Variants in LMX1A observed in about 807,000 individuals in gnomAD.
LMX1A encodes LIM homeobox transcription factor 1 alpha, also known as LIM homeobox transcription factor 1-alpha.
Under a neutral mutation model 49.1 loss-of-function variants are expected in LMX1A, and 15 were observed. The observed-to-expected ratio is 0.31, with a 90% CI of 0.20 to 0.47. The LOEUF (loss-of-function observed/expected upper bound fraction) is 0.47, where lower values mean the gene tolerates loss of function less well. Ranked by LOEUF, LMX1A falls within the 20% of genes least tolerant of loss-of-function variation. LMX1A has a pLI of 1.00. For synonymous variants in LMX1A, 167 were observed against 185.7 expected (o/e 0.90, Z 0.82); for missense variants, 372 against 475.8 (o/e 0.78, Z 2.03).
At chr1:165,340,465 C>T (rs1236124870) in intron 3 of LMX1A, among the ~76,000 whole-genome samples, 4 of 152,158 alleles carry the variant, frequency 2.6e-5, no homozygotes, top group Non-Finnish European at 5.9e-5. Context: ...GCCCTGCCTT[C>T]CAGAACTCCA....
At chr1:165,344,450 A>G (rs546032323) in intron 3 of LMX1A, among the ~76,000 whole-genome samples, 5 of 152,364 alleles carry the variant, frequency 3.3e-5, no homozygotes, top group African/African-American at 1.2e-4. Context: ...GATTTGTTCC[A>G]CTGTCAAAAC....
At chr1:165,294,534 A>G (rs1654561886) in intron 3 of LMX1A, among the ~76,000 whole-genome samples, 1 of 152,238 alleles carries the variant, frequency 6.6e-6, no homozygotes, top group Admixed American at 6.5e-5. Context: ...TCAAAAACAT[A>G]CAGATCATTT....
intron 6 of LMX1A, among the ~76,000 whole-genome samples, chr1:165,208,365 G>T (rs1651189169): frequency 6.6e-6 from 1 of 152,206 alleles, no homozygotes; most frequent in Non-Finnish European, 1.5e-5. Context: ...CAGGGGTGCA[G>T]CTTGTCTTAG....
intron 4 of LMX1A, among the ~76,000 whole-genome samples, chr1:165,216,411 G>T (rs1175732171): frequency 1.3e-5 from 2 of 152,094 alleles, no homozygotes; most frequent in African/African-American, 4.8e-5. Flanking sequence ...GAACTCCCTG[G>T]GGTAAAAACA....
intron 4 of LMX1A, among the ~76,000 whole-genome samples, chr1:165,231,284 T>C (rs1462804933): frequency 6.9e-6 from 1 of 144,348 alleles, no homozygotes; most frequent in Non-Finnish European, 1.5e-5. Context: ...TCTTAGAAAC[T>C]GGCTTAGTTT....
rs959055549 is a variant in LMX1A at position 165,203,044 on chromosome 1, C to T, written c.*836G>A. ...AACCAATCATCCTAGCACTGCCCAA[C>T]AACCACTTGTCAGAATTTAAAAGAA... On this transcript the variant is annotated 3_prime_UTR_variant, in exon 9 of 9. Transcript: ENST00000342310. The T allele has an allele frequency of 2.0e-5, 3 of 152,682 alleles. No homozygotes were observed. Among genetic ancestry groups the T allele is most frequent in the Admixed American group, 2.0e-4 (3 of 15,290 alleles). The allele number at this position is 152,682 out of a possible 1,614,324, so 9.5% of individuals were successfully genotyped here. A position where few individuals can be genotyped will look rare whatever the true frequency, so the allele number is the denominator to read the frequency against.
intron 4 of LMX1A, among the ~76,000 whole-genome samples, chr1:165,240,354 G>A (rs1155014): frequency 0.18 from 27,720 of 151,512 alleles, 2,803 homozygotes; most frequent in African/African-American, 0.26. Flanking sequence ...TTACCCTTCT[G>A]CTTCTTAAAA....
At chr1:165,238,709 G>A (rs1257129579) in intron 4 of LMX1A, among the ~76,000 whole-genome samples, 2 of 152,220 alleles carry the variant, frequency 1.3e-5, no homozygotes, top group Non-Finnish European at 2.9e-5. Flanking sequence ...AGTACCTGGA[G>A]CACTGCCATA....
chr1:165,329,602 C>T (rs1655684841), intron 3 of LMX1A, among the ~76,000 whole-genome samples: 1 of 151,710 alleles, frequency 6.6e-6, no homozygotes, highest in African/African-American at 2.4e-5. Context: ...CAGTAAGTGC[C>T]CACATGCAAC....
chr1:165,320,494 A>T (rs1655352839), intron 3 of LMX1A, among the ~76,000 whole-genome samples: 1 of 151,970 alleles, frequency 6.6e-6, no homozygotes, highest in Non-Finnish European at 1.5e-5. Context: ...GAGAGAAAAG[A>T]AGAGACTGTG....
rs566066686 is a variant in LMX1A, at chr1:165,326,204, G to C, written c.263+26872C>G. On this transcript the variant is annotated intron_variant, in intron 3 of 8. Coordinates refer to ENST00000342310, the MANE Select transcript of LMX1A (RefSeq NM_177398.4). ...GAGCTAGAGACGGGGAGGAGGGGAAGGGGGGTAGATGAGATAGGGGAGAAG... is the reference window on the plus strand; with the variant it reads ...GAGCTAGAGACGGGGAGGAGGGGAACGGGGGTAGATGAGATAGGGGAGAAG... Among the ~76,000 whole-genome samples, 22 of 152,336 alleles carry C rather than the reference G, an allele frequency of 1.4e-4. No individual in the cohort carries two copies. In the South Asian group the frequency reaches 3.9e-3, roughly 27 times the overall value.
chr1:165,343,130 T>C (rs1656127405), intron 3 of LMX1A, among the ~76,000 whole-genome samples: 1 of 152,218 alleles, frequency 6.6e-6, no homozygotes, highest in Non-Finnish European at 1.5e-5. Context: ...GCATTTTCTA[T>C]GAGCCAAGCA....
At chr1:165,297,152 C>G (rs570520822) in intron 3 of LMX1A, among the ~76,000 whole-genome samples, 2 of 152,358 alleles carry the variant, frequency 1.3e-5, no homozygotes, top group South Asian at 4.1e-4. Context: ...GTGAAACTCC[C>G]TGTCTCTACC....
chr1:165,242,592 AG>A (rs1652694137), intron 4 of LMX1A, among the ~76,000 whole-genome samples: 1 of 152,002 alleles, frequency 6.6e-6, no homozygotes. Flanking sequence ...TGAAGAAAAA[AG>A]GAAGGCAATT....
intron 4 of LMX1A, among the ~76,000 whole-genome samples, chr1:165,241,228 G>C (rs1652643795): frequency 6.6e-6 from 1 of 152,116 alleles, no homozygotes; most frequent in South Asian, 2.1e-4. Context: ...ACCATGAGGT[G>C]CCCCAGGTAT....
At chr1:165,283,067 A>G (rs1191446347) in intron 3 of LMX1A, among the ~76,000 whole-genome samples, 1 of 152,254 alleles carries the variant, frequency 6.6e-6, no homozygotes, top group African/African-American at 2.4e-5. Context: ...CCTCAACTAT[A>G]GTCATATGAT....
chr1:165,204,591 C>T (rs1650993474), intron 8 of LMX1A, among the ~76,000 whole-genome samples: 1 of 152,188 alleles, frequency 6.6e-6, no homozygotes. Flanking sequence ...GTAGGGCACA[C>T]ATTGGAACAG....
chr1:165,301,594 TA>T (rs1352910372), intron 3 of LMX1A, among the ~76,000 whole-genome samples: 5 of 152,210 alleles, frequency 3.3e-5, no homozygotes, highest in Non-Finnish European at 7.4e-5. Context: ...AATTTGGTGT[TA>T]AAAAACAAAC....
chr1:165,217,301 C>A (rs1235101875), intron 4 of LMX1A, among the ~76,000 whole-genome samples: 1 of 152,082 alleles, frequency 6.6e-6, no homozygotes, highest in Non-Finnish European at 1.5e-5. Flanking sequence ...CTTCTGGGGT[C>A]CTCCTACTGC....
Sources: allele counts gnomAD v4.1 joint callset (sites outside exome capture counted in the v4.1 genomes callset), GRCh38; gene constraint gnomAD v4.1.1; transcripts MANE v1.5; gene names NCBI Gene and HGNC (gene_info 2026-07-23, HGNC 2026-07-21).